The following KCNQ3 variants were observed in gnomAD, a reference collection of about 807,000 sequenced individuals.
The protein encoded by KCNQ3 is potassium voltage-gated channel subfamily Q member 3.
A neutral mutation model predicts 92.5 loss-of-function variants in KCNQ3; 30 were observed. That is an observed-to-expected ratio of 0.32 (90% CI 0.24 to 0.44). KCNQ3 has a LOEUF of 0.44. KCNQ3 is among the 20% of genes least tolerant of loss of function. The probability of loss-of-function intolerance (pLI) is 1.00; values close to 1 mark genes in which losing one functional copy is unlikely to be tolerated. For synonymous variants in KCNQ3, 450 were observed against 468.8 expected (o/e 0.96, Z 0.52); for missense variants, 913 against 1,140.3 (o/e 0.80, Z 2.87).
At chr8:132,199,169 G>T (rs140047384) in intron 1 of KCNQ3, among the ~76,000 whole-genome samples, 52 of 152,204 alleles carry the variant, frequency 3.4e-4, no homozygotes, top group African/African-American at 1.2e-3. Context: ...TCATTGACAG[G>T]TGACGATCTT....
At position 132,300,065 on chromosome 8, in the gene KCNQ3, T is replaced by C. The variant is rs979937605; in HGVS notation, c.387-113884A>G. 2.0e-5 allele frequency among the ~76,000 whole-genome samples: 3 copies of C among 152,130 alleles called. No individual in the cohort carries two copies. In the South Asian group the frequency reaches 6.2e-4, roughly 32 times the overall value. ...TCCCTGACTGAGGACAAGGATTAGG[T>C]CTCATTCATCTTTGTCTCCAATAAC... On this transcript the variant is annotated intron_variant, in intron 1 of 14. Transcript: ENST00000388996.
chr8:132,240,445 C>T (rs557140437), intron 1 of KCNQ3, among the ~76,000 whole-genome samples: 1 of 152,304 alleles, frequency 6.6e-6, no homozygotes, highest in South Asian at 2.1e-4. Flanking sequence ...CTCAGTATCC[C>T]AAAGTGCTCG....
At chr8:132,379,904 T>A (rs997186199) in intron 1 of KCNQ3, among the ~76,000 whole-genome samples, 2 of 150,584 alleles carry the variant, frequency 1.3e-5, no homozygotes. Context: ...TTTTTTTTTT[T>A]ACATTTATTT....
At chr8:132,431,663 C>T (rs1821255715) in intron 1 of KCNQ3, among the ~76,000 whole-genome samples, 1 of 152,212 alleles carries the variant, frequency 6.6e-6, no homozygotes, top group South Asian at 2.1e-4. Flanking sequence ...GCTCCAGGGC[C>T]CCCAGACTGG....
At chr8:132,198,032 C>A (rs935657128) in intron 1 of KCNQ3, among the ~76,000 whole-genome samples, 1 of 152,188 alleles carries the variant, frequency 6.6e-6, no homozygotes, top group African/African-American at 2.4e-5. Flanking sequence ...GGGACCTGTG[C>A]TTTGTTTCCA....
intron 1 of KCNQ3, among the ~76,000 whole-genome samples, chr8:132,418,723 G>GGT (rs1563904257): frequency 1.3e-5 from 2 of 152,054 alleles, no homozygotes; most frequent in East Asian, 3.9e-4. Context: ...GAAGCAGAGG[G>GGT]TGCAGTGAGC....
intron 1 of KCNQ3, among the ~76,000 whole-genome samples, chr8:132,372,751 C>T (rs1233556639): frequency 1.0e-4 from 11 of 110,442 alleles, no homozygotes; most frequent in Middle Eastern, 5.7e-3. Flanking sequence ...CAGAGTGAGA[C>T]TTTGTCTCAA....
In KCNQ3 at chr8:132,186,080, T is replaced by A; in HGVS notation, c.477+11A>T. 6.2e-7 allele frequency: 1 copy of A among 1,603,020 alleles called. No individual in the cohort carries two copies. Among genetic ancestry groups the A allele is most frequent in the South Asian group, 1.1e-5 (1 of 90,884 alleles). On this transcript the variant is annotated intron_variant, in intron 2 of 14. Coordinates refer to ENST00000388996, the MANE Select transcript of KCNQ3 (RefSeq NM_004519.4). The stretch of plus-strand genomic sequence containing the variant: ...CCAACCAGAAGCATTTACCCCAGAA[T>A]GCAATCTTACCAGTAACAGAAGCCA...
At chr8:132,391,095 T>C (rs1237622982) in intron 1 of KCNQ3, among the ~76,000 whole-genome samples, 2 of 152,200 alleles carry the variant, frequency 1.3e-5, no homozygotes, top group Non-Finnish European at 2.9e-5. Flanking sequence ...CACTAGTTTT[T>C]AGTTTTGTAA....
chr8:132,138,158 C>A, intron 11 of KCNQ3, 142 bp from the exon 12 acceptor site: 1 of 886,020 alleles, frequency 1.1e-6, no homozygotes, highest in East Asian at 2.5e-5. Flanking sequence ...ACGTTTGGTT[C>A]TGGTTCTACC....
intron 1 of KCNQ3, among the ~76,000 whole-genome samples, chr8:132,405,263 G>A (rs1480889872): frequency 1.3e-5 from 2 of 152,160 alleles, no homozygotes; most frequent in African/African-American, 2.4e-5. Flanking sequence ...TAAGCCATCA[G>A]CCCTCATGCT....
chr8:132,340,385 G>C (rs1818491885), intron 1 of KCNQ3, among the ~76,000 whole-genome samples: 1 of 152,166 alleles, frequency 6.6e-6, no homozygotes, highest in African/African-American at 2.4e-5. Context: ...TAATAGAATG[G>C]ATAAAGAAAA....
At chr8:132,270,055 G>T (rs1014246995) in intron 1 of KCNQ3, among the ~76,000 whole-genome samples, 3 of 151,930 alleles carry the variant, frequency 2.0e-5, no homozygotes, top group Non-Finnish European at 4.4e-5. Context: ...TGTGGGAACG[G>T]CTTTCTCTAA....
At chr8:132,264,081 G>C (rs1431865127) in intron 1 of KCNQ3, among the ~76,000 whole-genome samples, 1 of 152,220 alleles carries the variant, frequency 6.6e-6, no homozygotes, top group African/African-American at 2.4e-5. Flanking sequence ...GTACAGTCCA[G>C]TGACTTGCTC....
At chr8:132,296,007 T>C (rs1254518425) in intron 1 of KCNQ3, among the ~76,000 whole-genome samples, 1 of 152,194 alleles carries the variant, frequency 6.6e-6, no homozygotes, top group African/African-American at 2.4e-5. Context: ...CAAACTTACA[T>C]GTTGTGCACA....
chr8:132,392,621 G>C (rs1820078702), intron 1 of KCNQ3, among the ~76,000 whole-genome samples: 1 of 151,636 alleles, frequency 6.6e-6, no homozygotes, highest in South Asian at 2.1e-4. Context: ...GAGCAACACA[G>C]CAAGACCCTG....
chr8:132,246,243 C>T (rs1004318658), intron 1 of KCNQ3, among the ~76,000 whole-genome samples: 2 of 152,138 alleles, frequency 1.3e-5, no homozygotes, highest in African/African-American at 4.8e-5. Context: ...TTTAAATAAA[C>T]CTAGGAAATA....
At chr8:132,328,448 T>C (rs1258985449) in intron 1 of KCNQ3, among the ~76,000 whole-genome samples, 1 of 152,118 alleles carries the variant, frequency 6.6e-6, no homozygotes, top group Non-Finnish European at 1.5e-5. Context: ...TATAGGTGTG[T>C]GCTCAGGGAA....
intron 1 of KCNQ3, among the ~76,000 whole-genome samples, chr8:132,267,855 C>T (rs959514546): frequency 2.6e-5 from 4 of 152,210 alleles, no homozygotes; most frequent in Non-Finnish European, 5.9e-5. Context: ...TGTCCCCAAA[C>T]ATGCATAGCC....
Sources: gnomAD v4.1 joint callset for allele counts (sites outside exome capture counted in the v4.1 genomes callset) on GRCh38, gnomAD v4.1.1 for gene constraint, MANE v1.5 for transcripts, NCBI Gene and HGNC (gene_info 2026-07-23, HGNC 2026-07-21) for gene names.